HINFP: variants seen among roughly 807,000 people sequenced by gnomAD.
HINFP encodes the protein histone H4 transcription factor.
A neutral mutation model predicts 50.1 loss-of-function variants in HINFP; 20 were observed. The observed-to-expected ratio is 0.40, with a 90% CI of 0.28 to 0.58. The LOEUF (loss-of-function observed/expected upper bound fraction) is 0.58, where lower values mean the gene tolerates loss of function less well. Among genes scored for constraint, HINFP ranks in the 20% least tolerant of loss-of-function variants. The probability of loss-of-function intolerance (pLI) is 0.45; values close to 1 mark genes in which losing one functional copy is unlikely to be tolerated. For synonymous variants in HINFP, 247 were observed against 243.7 expected (o/e 1.01, Z -0.13); for missense variants, 505 against 664.1 (o/e 0.76, Z 2.63).
In HINFP at chr11:119,131,862, C is replaced by G. The variant is rs1947778714; in HGVS notation, c.556C>G (p.Leu186Val). 1 of 1,614,058 alleles carries G rather than the reference C, an allele frequency of 6.2e-7. No homozygotes were observed. The highest frequency in any genetic ancestry group is 8.5e-7 in the Non-Finnish European group (1 of 1,180,042). Residue 186 changes from leucine (L) to valine (V), a missense_variant, in exon 5 of 10, where the codon CTT (leucine) becomes GTT (valine). By Grantham distance (32) the Leu-to-Val change is conservative. Transcript: ENST00000350777. The surrounding 1 kb of genome is among the most constrained non-coding windows in gnomAD (Gnocchi z 4.2). ...CTGCACCTTCAAGGACCGCAGTAAA[C>G]TTCGAGAGCACCTCCGCAGCCATAC... Reference protein sequence around the residue: ...CTCTFKDRSKLREHLRSHTQE... With the variant: ...CTCTFKDRSKVREHLRSHTQE...
At chr11:119,122,949 C>G (rs780276601) in intron 1 of HINFP, among the ~76,000 whole-genome samples, 1 of 151,950 alleles carries the variant, frequency 6.6e-6, no homozygotes, top group Non-Finnish European at 1.5e-5. Context: ...ATGGCAAGAC[C>G]TCGTCTCTAC....
rs1319626591 is a variant in HINFP, at chr11:119,131,470, C to T, written c.412-65C>T. On this transcript the variant is annotated intron_variant, in intron 3 of 9. Coordinates refer to ENST00000350777, the MANE Select transcript of HINFP (RefSeq NM_198971.3). The surrounding 1 kb of genome is among the most constrained non-coding windows in gnomAD (Gnocchi z 4.2). ...ATTTGGGAGAGAGCCAAGAATTCTTCGGGCACATAGGGGTGAGTCCCTCTA... is the reference window on the plus strand; with the variant it reads ...ATTTGGGAGAGAGCCAAGAATTCTTTGGGCACATAGGGGTGAGTCCCTCTA... The T allele has an allele frequency of 1.2e-5, 13 of 1,083,194 alleles. No individual in the cohort carries two copies. Among genetic ancestry groups the T allele is most frequent in the African/African-American group, 3.1e-5 (2 of 64,650 alleles). 67.1% of individuals were successfully genotyped at this position (1,083,194 alleles called of 1,614,324 possible).
At chr11:119,133,946 C>G (rs1947922895) in intron 9 of HINFP, 138 bp from the exon 10 acceptor site, 1 of 1,155,994 alleles carries the variant, frequency 8.7e-7, no homozygotes, top group Admixed American at 2.2e-5. Flanking sequence ...CAATAAAGAC[C>G]TTTTTTGTCT....
In HINFP at chr11:119,134,475, G is replaced by A. The variant is rs1947966977; in HGVS notation, c.1531G>A (p.Glu511Lys). The change falls in exon 10 of 10, where the codon GAG becomes AAG. Residue 511 changes from glutamate to lysine, a missense_variant. Glu to Lys is a moderately conservative substitution (Grantham distance 56). Coordinates refer to ENST00000350777, the MANE Select transcript of HINFP (RefSeq NM_198971.3). This position sits in a 1 kb window ranked among gnomAD's most constrained non-coding sequence, Gnocchi z 4.3. ...GGAAAAGCTTCAAGGAATAGCTGAG[G>A]AGCCAGAGATCCAGATGGTTTGAAG... ...IMEKLQGIAEEPEIQMV is the reference protein window; with the variant it reads ...IMEKLQGIAEKPEIQMV 1 of 1,606,938 alleles carries A rather than the reference G, an allele frequency of 6.2e-7. No individual in the cohort carries two copies. The highest frequency in any genetic ancestry group is 8.5e-7 in the Non-Finnish European group (1 of 1,175,358).
At chr11:119,127,969 C>G (rs547949726) in intron 2 of HINFP, among the ~76,000 whole-genome samples, 1 of 151,978 alleles carries the variant, frequency 6.6e-6, no homozygotes, top group African/African-American at 2.4e-5. Flanking sequence ...AATTCTCCTG[C>G]CTCAGCCTCT....
intron 1 of HINFP, chr11:119,126,009 G>A (rs1010563632): frequency 1.3e-5 from 2 of 152,248 alleles, no homozygotes; most frequent in Non-Finnish European, 2.9e-5. Context: ...CCGTGAGCAA[G>A]TCAGTTGACC....
rs1786638642 is a variant in HINFP at position 119,121,628 on chromosome 11, A to G, written c.-22A>G. On this transcript the variant is annotated 5_prime_UTR_variant, in exon 1 of 10. Transcript: ENST00000350777. ...TGGGAGAAGAGCTGAAGAGACCTGG[A>G]GCCGACAGACGGTAAGCTGGGGTAT... 6.6e-6 allele frequency: 1 copy of G among 152,292 alleles called. No individual in the cohort carries two copies. The highest frequency in any genetic ancestry group is 2.4e-5 in the African/African-American group (1 of 41,460). The allele number at this position is 152,292 out of a possible 1,614,324, so 9.4% of individuals were successfully genotyped here. A position where few individuals can be genotyped will look rare whatever the true frequency, so the allele number is the denominator to read the frequency against.
rs1947933119 is a variant in HINFP, at chr11:119,134,093, A to C, written c.1149A>C (p.Glu383Asp). The C allele has an allele frequency of 6.2e-7, 1 of 1,614,012 alleles. No individual in the cohort carries two copies. The highest frequency in any genetic ancestry group is 8.5e-7 in the Non-Finnish European group (1 of 1,180,038). Residue 383 changes from glutamate (E) to aspartate (D), a missense_variant, in exon 10 of 10, where the codon GAA (glutamate) becomes GAC (aspartate). Glu to Asp is a conservative substitution (Grantham distance 45). Coordinates refer to ENST00000350777, the MANE Select transcript of HINFP (RefSeq NM_198971.3). This position sits in a 1 kb window ranked among gnomAD's most constrained non-coding sequence, Gnocchi z 4.3. ...PSGHPRFRYKEHEDGYMRLQL... is the reference protein window; with the variant it reads ...PSGHPRFRYKDHEDGYMRLQL... ...GCTCCTACCTCACCAGGTACAAGGAACATGAAGATGGCTATATGCGGCTGC... is the reference window on the plus strand; with the variant it reads ...GCTCCTACCTCACCAGGTACAAGGACCATGAAGATGGCTATATGCGGCTGC...
chr11:119,133,454 C>G, intron 9 of HINFP: 1 of 458,208 alleles, frequency 2.2e-6, no homozygotes, highest in East Asian at 4.5e-5. Flanking sequence ...TGGCACATGC[C>G]TGTAGTCCCA....
chr11:119,121,699 T>G (rs1351042014), intron 1 of HINFP, 60 bp downstream of exon 1: 1 of 152,476 alleles, frequency 6.6e-6, no homozygotes, highest in Admixed American at 6.5e-5. Context: ...CCGAGCCACC[T>G]CGGCGAGTAT....
rs747290965 is a variant in HINFP, at chr11:119,131,625, G to A, written c.502G>A (p.Val168Met). 1.9e-6 allele frequency: 3 copies of A among 1,614,058 alleles called. No individual in the cohort carries two copies. The East Asian group carries it at 6.7e-5, about 36-fold the overall frequency. The change falls in exon 4 of 10, where the codon GTG (valine) becomes ATG (methionine). Residue 168 changes from valine (V) to methionine (M), a missense_variant. Transcript: ENST00000350777. This position sits in a 1 kb window ranked among gnomAD's most constrained non-coding sequence, Gnocchi z 4.2. ...CGAAGCAGTCGGCAAGGACAACCCG[G>A]TGGTGCTGTGTGGCTGGAAAGGTAG... ...EYEAVGKDNP[V>M]VLCGWKGCTC...
intron 2 of HINFP, chr11:119,130,263 C>G (rs1264947441): frequency 6.1e-6 from 1 of 163,588 alleles, no homozygotes; most frequent in Non-Finnish European, 1.3e-5. Context: ...ATAGGCCTTG[C>G]ACACACTCTC....
In HINFP at chr11:119,134,506, A is replaced by T. The variant is rs1217909814; in HGVS notation, c.*8A>T. The T allele has an allele frequency of 6.3e-7, 1 of 1,574,994 alleles. No individual in the cohort carries two copies. Among genetic ancestry groups the T allele is most frequent in the South Asian group, 1.2e-5 (1 of 86,826 alleles). On this transcript the variant is annotated 3_prime_UTR_variant, in exon 10 of 10. Coordinates refer to ENST00000350777, the MANE Select transcript of HINFP (RefSeq NM_198971.3). The surrounding 1 kb of genome is among the most constrained non-coding windows in gnomAD (Gnocchi z 4.3). ...GAGATCCAGATGGTTTGAAGGCCGC[A>T]GAGCCAGACCATTTCTTCCCCAGGT... is the stretch of plus-strand genomic sequence containing the variant.
intron 3 of HINFP, 44 bp downstream of exon 3, chr11:119,130,998 G>A (rs771862921): frequency 1.3e-5 from 20 of 1,493,618 alleles, no homozygotes; most frequent in Non-Finnish European, 1.7e-5. Flanking sequence ...GAAGCTGGGG[G>A]TCTTAACTCT....
In HINFP at chr11:119,131,608, T is replaced by C. The variant is rs1420915772; in HGVS notation, c.485T>C (p.Val162Ala). The C allele has an allele frequency of 6.2e-7, 1 of 1,614,106 alleles. No individual in the cohort carries two copies. Among genetic ancestry groups the C allele is most frequent in the South Asian group, 1.1e-5 (1 of 91,078 alleles). Reference protein sequence around the residue: ...AHSLCCEYEAVGKDNPVVLCG... With the variant: ...AHSLCCEYEAAGKDNPVVLCG... ...AGTCTGTGCTGTGAATACGAAGCAG[T>C]CGGCAAGGACAACCCGGTGGTGCTG... is the stretch of plus-strand genomic sequence containing the variant. Residue 162 changes from valine (V) to alanine (A), a missense_variant, in exon 4 of 10, where the codon GTC (valine) becomes GCC (alanine). Transcript: ENST00000350777. The surrounding 1 kb of genome is among the most constrained non-coding windows in gnomAD (Gnocchi z 4.2).
intron 1 of HINFP, chr11:119,123,706 GTTTTTTTTTT>G (rs71470956): frequency 2.7e-5 from 2 of 74,162 alleles, no homozygotes; most frequent in East Asian, 4.6e-4. Flanking sequence ...CACATCGGCT[GTTTTTTTTTT>G]TTTTTTTTTT....
At chr11:119,132,359 C>T (rs904691113) in intron 5 of HINFP, 137 bp from the exon 6 acceptor site, 12 of 762,510 alleles carry the variant, frequency 1.6e-5, no homozygotes, top group African/African-American at 1.4e-4. Context: ...TTCCATGATA[C>T]TGTGTCCATT....
chr11:119,128,292 T>G (rs953575644), intron 2 of HINFP, among the ~76,000 whole-genome samples: 14 of 152,278 alleles, frequency 9.2e-5, no homozygotes, highest in Admixed American at 8.5e-4. Context: ...TACTGTGTGT[T>G]AAGTATTGCT....
Position 119,130,917 on chromosome 11 carries a change from T to A in HINFP, c.374T>A (p.Ile125Asn), listed in dbSNP as rs1218871922. The part of the protein sequence containing the change: ...DFQSRNVIPD[I>N]PDHFLCLWEH... ...CAGAGCCGGAACGTCATCCCTGATATCCCTGACCACTTCCTGTGTCTGTGG... is the reference window on the plus strand; with the variant it reads ...CAGAGCCGGAACGTCATCCCTGATAACCCTGACCACTTCCTGTGTCTGTGG... Residue 125 changes from isoleucine to asparagine, a missense_variant, in exon 3 of 10, where the codon ATC (isoleucine) becomes AAC (asparagine). Physicochemically the swap from Ile to Asn is moderately radical, Grantham distance 149 (BLOSUM62 -3). Transcript: ENST00000350777. The A allele has an allele frequency of 6.2e-7, 1 of 1,614,194 alleles. No individual in the cohort carries two copies. Among genetic ancestry groups the A allele is most frequent in the Admixed American group, 1.7e-5 (1 of 60,020 alleles).
Sources: gnomAD v4.1 joint callset for allele counts (sites outside exome capture counted in the v4.1 genomes callset) on GRCh38, gnomAD v4.1.1 for gene constraint, Gnocchi (gnomAD v3.1) non-coding constraint, MANE v1.5 for transcripts, NCBI Gene and HGNC (gene_info 2026-07-23, HGNC 2026-07-21) for gene names.